Variants in NDRG3 observed in about 807,000 individuals in gnomAD.
NDRG3 encodes protein NDRG3.
In NDRG3, 23 loss-of-function variants were observed where a neutral mutation model predicts 57.2. That is an observed-to-expected ratio of 0.40 (90% CI 0.29 to 0.57). The LOEUF (loss-of-function observed/expected upper bound fraction) is 0.57. Ranked by LOEUF, NDRG3 falls within the 20% of genes least tolerant of loss-of-function variation. The pLI, the probability that NDRG3 is intolerant of heterozygous loss-of-function variation, is 0.42. For synonymous variants in NDRG3, 132 were observed against 162.6 expected (o/e 0.81, Z 1.43); for missense variants, 384 against 457.3 (o/e 0.84, Z 1.46).
chr20:36,690,245 T>C (rs1310027501), intron 3 of NDRG3, among the ~76,000 whole-genome samples: 2 of 152,144 alleles, frequency 1.3e-5, no homozygotes, highest in South Asian at 4.1e-4. Flanking sequence ...CAGTTAAAGA[T>C]GTAGCCAGAG....
At chr20:36,711,232 T>A (rs1178663284) in intron 2 of NDRG3, among the ~76,000 whole-genome samples, 2 of 144,146 alleles carry the variant, frequency 1.4e-5, no homozygotes, top group East Asian at 4.2e-4. Flanking sequence ...TGAGCAGAGA[T>A]CACGCCACTG....
Position 36,703,188 on chromosome 20 carries a change from G to GCATCT in NDRG3, c.93+3779_93+3783dup, listed in dbSNP as rs1237990135. On this transcript the variant is annotated intron_variant, in intron 3 of 15. Transcript: ENST00000349004. ...ATATCATATACACATATAAATTACAGCATCTGTCTCAATGCTGTCTCTAAT... is the reference window on the plus strand; with the variant it reads ...ATATCATATACACATATAAATTACAGCATCTCATCTGTCTCAATGCTGTCTCTAAT... Among the ~76,000 whole-genome samples, 5 of 151,880 alleles carry GCATCT rather than the reference G, an allele frequency of 3.3e-5. No individual in the cohort carries two copies. The East Asian group carries it at 9.6e-4, about 29-fold the overall frequency.
rs550087772 is a variant in NDRG3, at chr20:36,669,465, C to T, written c.588+1876G>A. ...CTGGCTGGTCTTGAACTCCTGACCT[C>T]GTGATCCACCTGCCTCGGCCTCCCA... On this transcript the variant is annotated intron_variant, in intron 9 of 15. Coordinates refer to ENST00000349004, the MANE Select transcript of NDRG3 (RefSeq NM_032013.4). Among the ~76,000 whole-genome samples, 412 of 151,878 alleles carry T rather than the reference C, an allele frequency of 2.7e-3. 1 individual carries two copies. The highest frequency in any genetic ancestry group is 9.3e-3 in the African/African-American group (384 of 41,400).
intron 3 of NDRG3, chr20:36,700,522 C>A (rs1341600547): frequency 1.9e-6 from 1 of 529,064 alleles, no homozygotes; most frequent in South Asian, 1.4e-5. Flanking sequence ...TGTGCAGAGA[C>A]CCTGGCTAAG....
chr20:36,682,424 G>A, intron 7 of NDRG3, 94 bp downstream of exon 7: 1 of 987,920 alleles, frequency 1.0e-6, no homozygotes, highest in Non-Finnish European at 1.6e-6. Context: ...CTGACATAAG[G>A]CCCAGAATAC....
chr20:36,725,646 GA>G (rs1984888573), intron 1 of NDRG3, among the ~76,000 whole-genome samples: 2 of 147,504 alleles, frequency 1.4e-5, no homozygotes, highest in African/African-American at 5.0e-5. Flanking sequence ...AGAAATCACA[GA>G]ATAATGAACA....
intron 3 of NDRG3, among the ~76,000 whole-genome samples, chr20:36,693,273 G>A (rs1020175015): frequency 1.4e-5 from 2 of 146,382 alleles, no homozygotes; most frequent in Admixed American, 1.4e-4. Context: ...TATCAAACAT[G>A]GTCATATACA....
chr20:36,664,968 C>T (rs1009056922), intron 12 of NDRG3, 78 bp downstream of exon 12: 37 of 1,399,188 alleles, frequency 2.6e-5, no homozygotes, highest in Middle Eastern at 1.9e-4. Flanking sequence ...GGAATACAGG[C>T]GTGAGCCACT....
At chr20:36,698,592 A>G (rs1181465107) in intron 3 of NDRG3, among the ~76,000 whole-genome samples, 1 of 151,918 alleles carries the variant, frequency 6.6e-6, no homozygotes, top group Non-Finnish European at 1.5e-5. Context: ...AAAAAAATCC[A>G]ATTTATGTAT....
At chr20:36,687,649 C>G (rs767270323) in intron 4 of NDRG3, 37 bp from the exon 5 acceptor site, 2 of 1,591,732 alleles carry the variant, frequency 1.3e-6, no homozygotes, top group South Asian at 2.3e-5. Flanking sequence ...CACAGGCTCT[C>G]CATATCGCCC....
intron 1 of NDRG3, among the ~76,000 whole-genome samples, chr20:36,741,791 C>G (rs1600984059): frequency 6.6e-6 from 1 of 152,164 alleles, no homozygotes; most frequent in African/African-American, 2.4e-5. Flanking sequence ...CTTGTTAGAA[C>G]TGCAAATTCT....
chr20:36,713,635 A>G (rs1697377), intron 2 of NDRG3, among the ~76,000 whole-genome samples: 2,013 of 152,324 alleles, frequency 0.013, 37 homozygotes, highest in African/African-American at 0.046. Flanking sequence ...ATCAATAGAA[A>G]GAGATTTTGG....
chr20:36,728,255 T>C (rs1985065733), intron 1 of NDRG3, among the ~76,000 whole-genome samples: 1 of 151,368 alleles, frequency 6.6e-6, no homozygotes, highest in Admixed American at 6.6e-5. Context: ...GGGGTTTCAC[T>C]GTTAACCAGG....
chr20:36,652,820 T>C lies in NDRG3; in HGVS notation c.*700A>G, dbSNP rs1671743200. The C allele has an allele frequency of 2.0e-5, 3 of 152,254 alleles. No homozygotes were observed. The South Asian group carries it at 6.2e-4, about 32-fold the overall frequency. 9.4% of individuals were successfully genotyped at this position (152,254 alleles called of 1,614,324 possible). ...AGAACCTCAGCGATGGTTCATGGGCTTCCAGCAGAATATATTCCTCCCTTT... is the reference window on the plus strand; with the variant it reads ...AGAACCTCAGCGATGGTTCATGGGCCTCCAGCAGAATATATTCCTCCCTTT... On this transcript the variant is annotated 3_prime_UTR_variant, in exon 16 of 16. Transcript: ENST00000349004.
Position 36,653,189 on chromosome 20 carries a change from C to A in NDRG3, c.*331G>T, listed in dbSNP as rs6101647. ...AACTATGCACACACAAACACAGACA[C>A]GCGTGCTCGCACACACAGAGTCGGG... On this transcript the variant is annotated 3_prime_UTR_variant, in exon 16 of 16. Coordinates refer to ENST00000349004, the MANE Select transcript of NDRG3 (RefSeq NM_032013.4). The surrounding 1 kb of genome is among the most constrained non-coding windows in gnomAD (Gnocchi z 4.2). The A allele has an allele frequency of 4.6e-3, 1,002 of 218,244 alleles. 11 individuals carry two copies. The highest frequency in any genetic ancestry group is 0.021 in the African/African-American group (930 of 44,104). The allele number at this position is 218,244 out of a possible 1,614,324, so 13.5% of individuals were successfully genotyped here. A position where few individuals can be genotyped will look rare whatever the true frequency, so the allele number is the denominator to read the frequency against.
At chr20:36,731,583 G>A (rs533455093) in intron 1 of NDRG3, among the ~76,000 whole-genome samples, 1 of 151,350 alleles carries the variant, frequency 6.6e-6, no homozygotes, top group Non-Finnish European at 1.5e-5. Context: ...CGAGGCGAGT[G>A]GATCACAAGG....
At chr20:36,702,866 T>C (rs1386528280) in intron 3 of NDRG3, among the ~76,000 whole-genome samples, 1 of 152,042 alleles carries the variant, frequency 6.6e-6, no homozygotes, top group Non-Finnish European at 1.5e-5. Context: ...GTATTTTCAA[T>C]AGAGACGGGG....
chr20:36,722,781 T>C (rs1984673043), intron 1 of NDRG3, among the ~76,000 whole-genome samples: 1 of 152,220 alleles, frequency 6.6e-6, no homozygotes, highest in Non-Finnish European at 1.5e-5. Context: ...TTCACACATA[T>C]GTATAATCGC....
chr20:36,695,506 A>T (rs769568794), intron 3 of NDRG3, among the ~76,000 whole-genome samples: 14 of 152,206 alleles, frequency 9.2e-5, no homozygotes, highest in Non-Finnish European at 1.9e-4. Flanking sequence ...CTGGGAAAAG[A>T]ACGCATTCCT....
Sources: gnomAD v4.1 joint callset for allele counts (sites outside exome capture counted in the v4.1 genomes callset) on GRCh38, gnomAD v4.1.1 for gene constraint, Gnocchi (gnomAD v3.1) non-coding constraint, MANE v1.5 for transcripts, NCBI Gene and HGNC (gene_info 2026-07-23, HGNC 2026-07-21) for gene names.